Variants in SETD9 observed in about 807,000 individuals in gnomAD.
SETD9 encodes SET domain-containing protein 9.
In SETD9, 37 loss-of-function variants were observed where a neutral mutation model predicts 36.4. The ratio of observed to expected loss-of-function variants is 1.02; its 90% CI spans 0.78 to 1.34. The LOEUF (loss-of-function observed/expected upper bound fraction) is 1.34. SETD9 is among the 40% of genes most tolerant of loss of function. SETD9 has a pLI of 0.00. For missense variants in SETD9, 323 were observed against 353.2 expected, an observed-to-expected ratio of 0.91 and a Z score of 0.69; for synonymous variants, 128 against 132.9, an observed-to-expected ratio of 0.96 and a Z score of 0.26.
At chr5:56,918,694 GAA>G (rs1232754096), downstream of SETD9, among the ~76,000 whole-genome samples, 1,050 of 151,230 alleles carry the variant, frequency 6.9e-3, 11 homozygotes, top group African/African-American at 0.024. Flanking sequence ...GTCTGACAAG[GAA>G]GGGATGTGGT....
At position 56,914,893 on chromosome 5, in the gene SETD9, G is replaced by A; in HGVS notation, c.739G>A (p.Asp247Asn). The A allele has an allele frequency of 6.2e-7, 1 of 1,601,340 alleles. No homozygotes were observed. Among genetic ancestry groups the A allele is most frequent in the Non-Finnish European group, 8.5e-7 (1 of 1,171,280 alleles). ...RAANVCYQEF[D>N]VPAVFPIELK... ...AGCTAATGTCTGTTATCAGGAATTT[G>A]ATGTGCCTGCAGTTTTCCCTATAGA... Residue 247 changes from aspartate (D) to asparagine (N), a missense_variant, in exon 5 of 6, where the codon GAT becomes AAT. Transcript: ENST00000285947.
rs767393547 is a variant in SETD9 at position 56,911,439 on chromosome 5, T to C, written c.369T>C (p.Ser123=). The change falls in exon 2 of 6, where the codon AGT becomes AGC. Residue 123 remains serine, a synonymous_variant. Transcript: ENST00000285947. The part of the protein sequence containing the change: ...EEILYKTLGF[S]VAQATSSLIS... Reference sequence around the variant, plus strand: ...TTCTTTACAAGACTTTGGGTTTCAGTGTTGCCCAAGCAACTAGCTCATTGA... The same window carrying C: ...TTCTTTACAAGACTTTGGGTTTCAGCGTTGCCCAAGCAACTAGCTCATTGA... 4 of 1,613,224 alleles carry C rather than the reference T, an allele frequency of 2.5e-6. No homozygotes were observed. The highest frequency in any genetic ancestry group is 3.3e-4 in the Middle Eastern group (2 of 6,054).
Position 56,911,270 on chromosome 5 carries a change from A to G in SETD9, c.200A>G (p.Asp67Gly). 1 of 1,611,406 alleles carries G rather than the reference A, an allele frequency of 6.2e-7. No individual in the cohort carries two copies. The highest frequency in any genetic ancestry group is 1.7e-5 in the Admixed American group (1 of 59,490). The change falls in exon 2 of 6, where the codon GAT (aspartate) becomes GGT (glycine). Residue 67 changes from aspartate to glycine, a missense_variant. Physicochemically the swap from Asp to Gly is moderately conservative, Grantham distance 94 (BLOSUM62 -1). Transcript: ENST00000285947. ...LKVFQALFLN[D>G]FNKQSEILSM... ...GTTTTCCAGGCTCTATTCTTAAATG[A>G]TTTCAATAAACAATCAGAAATCTTG... is the stretch of plus-strand genomic sequence containing the variant.
intron 3 of SETD9, 96 bp downstream of exon 3, chr5:56,913,230 T>A: frequency 5.8e-6 from 8 of 1,385,922 alleles, no homozygotes; most frequent in Non-Finnish European, 7.8e-6. Flanking sequence ...ATTTATTTTT[T>A]ATATAAAGAG....
chr5:56,921,794 A>AT (rs535924990), downstream of SETD9: 9 of 152,644 alleles, frequency 5.9e-5, no homozygotes, highest in Non-Finnish European at 1.2e-4. Context: ...ATAATTCTCT[A>AT]TTTTAACAGT....
chr5:56,911,503 G>T lies in SETD9; in HGVS notation c.433G>T (p.Val145Leu), dbSNP rs1297107054. The change falls in exon 2 of 6, where the codon GTA (valine) becomes TTA (leucine). Residue 145 changes from valine to leucine, a missense_variant. Transcript: ENST00000285947. The part of the protein sequence containing the change: ...GKGVFVTKGL[V>L]PKGAVVSMYP... Reference sequence around the variant, plus strand: ...AGGTGTCTTCGTTACTAAAGGATTGGTACCAAAAGGCGCAGTCGTATCTAT... The same window carrying T: ...AGGTGTCTTCGTTACTAAAGGATTGTTACCAAAAGGCGCAGTCGTATCTAT... 1 of 1,588,802 alleles carries T rather than the reference G, an allele frequency of 6.3e-7. No individual in the cohort carries two copies. The highest frequency in any genetic ancestry group is 8.5e-7 in the Non-Finnish European group (1 of 1,170,612).
At chr5:56,916,432 A>AT (rs937991956) in intron 5 of SETD9, among the ~76,000 whole-genome samples, 2 of 152,166 alleles carry the variant, frequency 1.3e-5, no homozygotes, top group Non-Finnish European at 2.9e-5. Context: ...AGAAAAAAGC[A>AT]TTTTTTTAAA....
chr5:56,928,773 C>T (rs931382070), downstream of SETD9: 6 of 1,610,178 alleles, frequency 3.7e-6, no homozygotes, highest in African/African-American at 8.0e-5. Context: ...TTACCTTATT[C>T]TTCTGTATAA....
chr5:56,921,859 C>T (rs1363752802), downstream of SETD9: 1 of 152,524 alleles, frequency 6.6e-6, no homozygotes, highest in Non-Finnish European at 1.5e-5. Context: ...TTTGATTCAC[C>T]TTATAACTTA....
chr5:56,912,253 T>G, intron 2 of SETD9: 3 of 985,048 alleles, frequency 3.0e-6, no homozygotes, highest in Non-Finnish European at 3.6e-6. Flanking sequence ...TTTCTACACT[T>G]GGAAAGTAAG....
At chr5:56,928,589 G>T, downstream of SETD9, 1 of 488,874 alleles carries the variant, frequency 2.0e-6, no homozygotes, top group Non-Finnish European at 3.7e-6. Context: ...TATACTATCA[G>T]CCATTCCATA....
rs569226383 is a variant in SETD9 at position 56,912,986 on chromosome 5, ATTTC to A, written c.467-21_467-18del. The A allele has an allele frequency of 8.4e-5, 135 of 1,606,524 alleles. No individual in the cohort carries two copies. In the East Asian group the frequency reaches 1.4e-3, roughly 17 times the overall value. ...TTATGATTTTTCATGTTGTTATCAT[ATTTC>A]TTTGTCTTGTTGTGTAATAGGTACA... is the stretch of plus-strand genomic sequence containing the variant. On this transcript the variant is annotated intron_variant, in intron 2 of 5. Transcript: ENST00000285947.
rs567052941 is a variant in SETD9 at position 56,914,844 on chromosome 5, G to T, written c.707-17G>T. 2.6e-6 allele frequency: 4 copies of T among 1,526,642 alleles called. No homozygotes were observed. The South Asian group carries it at 3.9e-5, about 15-fold the overall frequency. 94.6% of individuals were successfully genotyped at this position (1,526,642 alleles called of 1,614,324 possible). On this transcript the variant is annotated splice_polypyrimidine_tract_variant and intron_variant, in intron 4 of 5. Transcript: ENST00000285947. ...GTATAATGGCTCTTTTTCTAAAAAT[G>T]ATGTGCTTGTTCCTAGACAGAGCAG...
intron 5 of SETD9, chr5:56,923,060 A>G: frequency 7.3e-7 from 1 of 1,368,900 alleles, no homozygotes; most frequent in Non-Finnish European, 1.0e-6. Flanking sequence ...GTGAAAGACT[A>G]TGCAAACCTG....
chr5:56,915,015 A>T, intron 5 of SETD9, 49 bp downstream of exon 5: 1 of 1,316,824 alleles, frequency 7.6e-7, no homozygotes, highest in Non-Finnish European at 1.0e-6. Context: ...TGCTGTACTT[A>T]AAAAAATATA....
At position 56,923,498 on chromosome 5, in the gene SETD9, C is replaced by T. The variant is rs747455345; in HGVS notation, c.813-1835C>T. On this transcript the variant is annotated intron_variant, in intron 5 of 5. Transcript: ENST00000628593. ...AACAGGCACATGATTAACTTGTCCA[C>T]GGGGTGTGTTGCCCAGTGGAGGAAA... The T allele has an allele frequency of 1.5e-5, 24 of 1,614,156 alleles. No homozygotes were observed. In the Admixed American group the frequency reaches 1.5e-4, roughly 10 times the overall value.
In SETD9 at chr5:56,923,719, G is replaced by A. The variant is rs752426714; in HGVS notation, c.813-1614G>A. On this transcript the variant is annotated intron_variant, in intron 5 of 5. Transcript: ENST00000628593. ...TCAAGTCACTGGCAGTGAAGGAGTT[G>A]AGAATGTTTAGCTGTTGATCAGGAA... The A allele has an allele frequency of 3.7e-6, 6 of 1,614,114 alleles. No homozygotes were observed. In the South Asian group the frequency reaches 5.5e-5, roughly 15 times the overall value.
chr5:56,923,012 C>A, intron 5 of SETD9: 1 of 733,714 alleles, frequency 1.4e-6, no homozygotes, highest in Non-Finnish European at 2.2e-6. Flanking sequence ...TACATACTGA[C>A]ATCACTGATG....
chr5:56,927,679 T>C (rs191484823), downstream of SETD9, among the ~76,000 whole-genome samples: 1 of 152,150 alleles, frequency 6.6e-6, no homozygotes, highest in East Asian at 1.9e-4. Context: ...TGGAGTAGTG[T>C]ATCTGTTAAA....
Sources: allele counts gnomAD v4.1 joint callset (sites outside exome capture counted in the v4.1 genomes callset), GRCh38; gene constraint gnomAD v4.1.1; transcripts MANE v1.5; gene names NCBI Gene and HGNC (gene_info 2026-07-23, HGNC 2026-07-21).